The following MTRR variants were observed in gnomAD, a reference collection of about 807,000 sequenced individuals.
The protein encoded by MTRR is methionine synthase reductase.
MTRR carries 63 observed loss-of-function variants against 79.2 expected under a neutral mutation model. That is an observed-to-expected ratio of 0.80 (90% CI 0.65 to 0.98). The LOEUF (loss-of-function observed/expected upper bound fraction) is 0.98. MTRR is among the 50% of genes least tolerant of loss of function. The pLI is 0.00. For synonymous variants in MTRR, 355 were observed against 313.3 expected (o/e 1.13, Z -1.41); for missense variants, 895 against 839.6 (o/e 1.07, Z -0.82).
chr5:7,870,957 T>A (rs2126646424), intron 2 of MTRR, 34 bp downstream of exon 2: 1 of 1,613,952 alleles, frequency 6.2e-7, no homozygotes, highest in Non-Finnish European at 8.5e-7. Context: ...TACCGTTTTG[T>A]GCTTTGAAGA....
At chr5:7,852,603 G>C (rs943801207) in intron 1 of MTRR, among the ~76,000 whole-genome samples, 2 of 152,084 alleles carry the variant, frequency 1.3e-5, no homozygotes, top group Non-Finnish European at 2.9e-5. Context: ...CCTGGTGCTT[G>C]GAGATGGAGC....
chr5:7,860,856 T>A (rs936803115), intron 1 of MTRR, among the ~76,000 whole-genome samples: 1 of 152,196 alleles, frequency 6.6e-6, no homozygotes, highest in Non-Finnish European at 1.5e-5. Flanking sequence ...TCTCACAAAC[T>A]AATAATTATA....
intron 2 of MTRR, chr5:7,862,794 A>G (rs1403089584): frequency 6.3e-7 from 1 of 1,580,508 alleles, no homozygotes; most frequent in Non-Finnish European, 8.6e-7. Flanking sequence ...GCTTAGGTTT[A>G]AAACAACAAA....
At position 7,875,994 on chromosome 5, in the gene MTRR, T is replaced by C. The variant is rs922239193; in HGVS notation, c.401+619T>C. Reference sequence around the variant, plus strand: ...TGTTTATTCAGTGGTCCTACAGATATTGTCCTATAACTTACTTAGCCTTCA... The same window carrying C: ...TGTTTATTCAGTGGTCCTACAGATACTGTCCTATAACTTACTTAGCCTTCA... On this transcript the variant is annotated intron_variant, in intron 4 of 14. Transcript: ENST00000440940. 5.9e-5 allele frequency among the ~76,000 whole-genome samples: 9 copies of C among 152,258 alleles called. No homozygotes were observed. In the East Asian group the frequency reaches 1.2e-3, roughly 19 times the overall value.
intron 4 of MTRR, among the ~76,000 whole-genome samples, chr5:7,876,325 T>C (rs1734555324): frequency 6.6e-6 from 1 of 152,198 alleles, no homozygotes; most frequent in East Asian, 1.9e-4. Flanking sequence ...TACCTTTATA[T>C]TGAGCTTTTT....
intron 6 of MTRR, 40 bp from the exon 7 acceptor site, chr5:7,885,661 T>G: frequency 6.5e-7 from 1 of 1,540,962 alleles, no homozygotes; most frequent in Non-Finnish European, 8.8e-7. Context: ...ATGTAACACG[T>G]ATAATGTATT....
At chr5:7,886,245 A>G (rs1736409682) in intron 7 of MTRR, among the ~76,000 whole-genome samples, 2 of 152,172 alleles carry the variant, frequency 1.3e-5, no homozygotes, top group African/African-American at 4.8e-5. Context: ...AAGAGAAGTT[A>G]TTTATTTTTC....
rs200047657 is a variant in MTRR, at chr5:7,875,345, A to G, written c.371A>G (p.Tyr124Cys). ...RLQELGARHF[Y>C]DTGHADDCVG... is the part of the protein sequence containing the mutation. ...CAAGAGCTTGGAGCCCGGCATTTCT[A>G]TGACACTGGACATGCAGATGACTGT... The change falls in exon 4 of 15, where the codon TAT (tyrosine) becomes TGT (cysteine). Residue 124 changes from tyrosine (Y) to cysteine (C), a missense_variant. By Grantham distance (194) the Tyr-to-Cys change is radical. Transcript: ENST00000440940. 6.6e-5 allele frequency: 107 copies of G among 1,613,432 alleles called. No homozygotes were observed. The highest frequency in any genetic ancestry group is 3.9e-5 in the Non-Finnish European group (46 of 1,179,478).
intron 2 of MTRR, 59 bp downstream of exon 2, chr5:7,870,982 G>A: frequency 6.2e-7 from 1 of 1,606,428 alleles, no homozygotes; most frequent in Admixed American, 1.7e-5. Flanking sequence ...TGGTTGGGAA[G>A]TGATATTTAT....
At chr5:7,862,555 A>T (rs989438376) in intron 2 of MTRR, among the ~76,000 whole-genome samples, 3 of 152,066 alleles carry the variant, frequency 2.0e-5, no homozygotes, top group African/African-American at 7.2e-5. Flanking sequence ...TGAGGTCAAT[A>T]TTACTATCAT....
upstream of MTRR, among the ~76,000 whole-genome samples, chr5:7,865,605 A>C (rs761041967): frequency 3.3e-5 from 5 of 152,240 alleles, no homozygotes; most frequent in Non-Finnish European, 5.9e-5. Context: ...TAGTAAACCT[A>C]GTACTAAAAC....
intron 1 of MTRR, among the ~76,000 whole-genome samples, chr5:7,857,948 A>G (rs1746299471): frequency 6.6e-6 from 1 of 152,244 alleles, no homozygotes; most frequent in South Asian, 2.1e-4. Flanking sequence ...AGCACAGGTG[A>G]AGAACGCTCG....
chr5:7,875,138 C>T (rs1748655955), intron 3 of MTRR, 120 bp from the exon 4 acceptor site: 6 of 770,096 alleles, frequency 7.8e-6, no homozygotes, highest in Non-Finnish European at 1.2e-5. Context: ...TGAAGCTCTG[C>T]ATTATTACTC....
intron 9 of MTRR, chr5:7,890,308 G>C (rs569057670): frequency 1.7e-5 from 17 of 985,216 alleles, no homozygotes; most frequent in Non-Finnish European, 2.0e-5. Context: ...CCGTGTTGCT[G>C]AATGAGGCTG....
At chr5:7,869,327 C>T in intron 1 of MTRR, 112 bp downstream of exon 1, 4 of 1,326,770 alleles carry the variant, frequency 3.0e-6, no homozygotes, top group Non-Finnish European at 4.2e-6. Context: ...CCCGTGGTTC[C>T]CACGCCCTTC....
intron 8 of MTRR, among the ~76,000 whole-genome samples, chr5:7,887,375 A>G (rs13190084): frequency 0.15 from 23,318 of 151,740 alleles, 2,057 homozygotes; most frequent in Non-Finnish European, 0.2. Context: ...CAATTTTTCA[A>G]ATGTGCCTTG....
chr5:7,855,582 C>A (rs1171298717), intron 1 of MTRR, among the ~76,000 whole-genome samples: 1 of 151,984 alleles, frequency 6.6e-6, no homozygotes, highest in Non-Finnish European at 1.5e-5. Flanking sequence ...ATCATAGCTC[C>A]TGGCCTCAAG....
At chr5:7,890,155 A>G (rs1271918144) in intron 9 of MTRR, 1 of 619,484 alleles carries the variant, frequency 1.6e-6, no homozygotes, top group Admixed American at 6.3e-5. Context: ...CAAAATGTAT[A>G]TTGTCCTTTT....
At chr5:7,876,503 G>A (rs1189813391) in intron 4 of MTRR, among the ~76,000 whole-genome samples, 1 of 152,182 alleles carries the variant, frequency 6.6e-6, no homozygotes, top group African/African-American at 2.4e-5. Context: ...GTATTGAAAT[G>A]CTTGACTGTA....
Sources: allele counts gnomAD v4.1 joint callset (sites outside exome capture counted in the v4.1 genomes callset), GRCh38; gene constraint gnomAD v4.1.1; transcripts MANE v1.5; gene names NCBI Gene and HGNC (gene_info 2026-07-23, HGNC 2026-07-21).